Variants in NOMO1 observed in about 807,000 individuals in gnomAD.
The protein encoded by NOMO1 is NODAL modulator 1.
In NOMO1, 40 loss-of-function variants were observed where a neutral mutation model predicts 133.8. That is an observed-to-expected ratio of 0.30 (90% confidence interval 0.23 to 0.39). The LOEUF (loss-of-function observed/expected upper bound fraction) is 0.39. Ranked by LOEUF, NOMO1 falls within the 10% of genes least tolerant of loss-of-function variation. The pLI, the probability that NOMO1 is intolerant of heterozygous loss-of-function variation, is 1.00. For synonymous variants in NOMO1, 236 were observed against 570.5 expected (o/e 0.41, Z 8.36); for missense variants, 462 against 1,419.9 (o/e 0.33, Z 10.84).
intron 27 of NOMO1, among the ~76,000 whole-genome samples, chr16:14,886,506 CTT>C (rs1964326680): frequency 2.1e-5 from 3 of 140,722 alleles, no homozygotes; most frequent in Admixed American, 7.3e-5. Flanking sequence ...ATTATATTAA[CTT>C]ATATTACTAT....
At chr16:14,835,456 T>C (rs1412148309) in intron 1 of NOMO1, among the ~76,000 whole-genome samples, 1 of 150,660 alleles carries the variant, frequency 6.6e-6, no homozygotes, top group Non-Finnish European at 1.5e-5. Flanking sequence ...AAGAGGCCGC[T>C]AAGGCCTCTT....
At chr16:14,884,316 A>G in intron 26 of NOMO1, 56 bp from the exon 27 acceptor site, 5 of 1,189,142 alleles carry the variant, frequency 4.2e-6, no homozygotes, top group East Asian at 2.3e-5. Flanking sequence ...GACAGCTGGC[A>G]TAGAAGTTCC....
intron 29 of NOMO1, among the ~76,000 whole-genome samples, chr16:14,889,507 G>C (rs1219657595): frequency 6.6e-6 from 1 of 152,042 alleles, no homozygotes; most frequent in East Asian, 1.9e-4. Flanking sequence ...ACTCCAGCTT[G>C]GGTAACAGAG....
intron 11 of NOMO1, chr16:14,862,305 G>A (rs1001366003): frequency 6.6e-6 from 1 of 152,264 alleles, no homozygotes; most frequent in Admixed American, 6.5e-5. Context: ...AAGGATGATG[G>A]TCGTTGTAGG....
At chr16:14,872,141 T>C in intron 17 of NOMO1, 93 bp from the exon 18 acceptor site, 4 of 1,234,692 alleles carry the variant, frequency 3.2e-6, no homozygotes, top group Non-Finnish European at 4.8e-6. Flanking sequence ...TTCTGTAGTA[T>C]ATTTAGGGTG....
chr16:14,842,486 TG>T (rs1301627556), intron 3 of NOMO1, among the ~76,000 whole-genome samples: 1 of 150,820 alleles, frequency 6.6e-6, no homozygotes, highest in African/African-American at 2.4e-5. Context: ...ATTGGTGGCC[TG>T]GAGGAGTGTT....
Position 14,833,727 on chromosome 16 carries a change from G to A in NOMO1, c.-125G>A. 1 of 1,151,418 alleles carries A rather than the reference G, an allele frequency of 8.7e-7. No individual in the cohort carries two copies. Among genetic ancestry groups the A allele is most frequent in the Non-Finnish European group, 1.1e-6 (1 of 900,124 alleles). 71.3% of individuals were successfully genotyped at this position (1,151,418 alleles called of 1,614,324 possible). A position where few individuals can be genotyped will look rare whatever the true frequency, so the allele number is the denominator to read the frequency against. ...CGAAGCGCGCGTGCGCGGCGGCTCT[G>A]GCGGCGGCGGTGGGGCGGGGCCTGG... On this transcript the variant is annotated 5_prime_UTR_variant, in exon 1 of 31. Coordinates refer to ENST00000287667, the MANE Select transcript of NOMO1 (RefSeq NM_014287.4).
chr16:14,867,971 C>T (rs1358083574), intron 15 of NOMO1, among the ~76,000 whole-genome samples: 1 of 113,596 alleles, frequency 8.8e-6, no homozygotes, highest in Non-Finnish European at 2.0e-5. Context: ...CGGGCCCCAG[C>T]CACAGTGGTC....
chr16:14,871,372 G>GTTGT (rs1261698677), intron 16 of NOMO1, among the ~76,000 whole-genome samples: 2 of 152,060 alleles, frequency 1.3e-5, no homozygotes, highest in East Asian at 3.9e-4. Context: ...ACTACTGTGA[G>GTTGT]TTGTTACCTT....
intron 1 of NOMO1, among the ~76,000 whole-genome samples, chr16:14,836,386 C>T (rs1408822263): frequency 1.3e-5 from 2 of 152,018 alleles, no homozygotes; most frequent in Non-Finnish European, 2.9e-5. Flanking sequence ...TTCAAATGTT[C>T]GTTTTATGAG....
chr16:14,876,862 G>C, intron 22 of NOMO1, 72 bp downstream of exon 22: 1 of 1,575,230 alleles, frequency 6.3e-7, no homozygotes, highest in Non-Finnish European at 8.6e-7. Context: ...TGCACAAAAA[G>C]GGTACAGTGT....
intron 14 of NOMO1, 145 bp from the exon 15 acceptor site, chr16:14,866,410 T>G: frequency 7.1e-7 from 1 of 1,410,734 alleles, no homozygotes; most frequent in South Asian, 1.4e-5. Flanking sequence ...GTTATAAATA[T>G]ATGTATGTGT....
intron 26 of NOMO1, among the ~76,000 whole-genome samples, 177 bp from the exon 27 acceptor site, chr16:14,884,195 G>A (rs1442431375): frequency 1.3e-5 from 2 of 152,014 alleles, no homozygotes; most frequent in Non-Finnish European, 2.9e-5. Flanking sequence ...ATGGGCCAGG[G>A]ATAGCCATCT....
At chr16:14,834,356 TCTC>T (rs1963470385) in intron 1 of NOMO1, among the ~76,000 whole-genome samples, 1 of 103,880 alleles carries the variant, frequency 9.6e-6, no homozygotes, top group Non-Finnish European at 2.0e-5. Context: ...AGACCTGAGA[TCTC>T]CTCGAATCAG....
intron 3 of NOMO1, among the ~76,000 whole-genome samples, chr16:14,842,086 T>G (rs1377263476): frequency 6.6e-6 from 1 of 151,990 alleles, no homozygotes; most frequent in East Asian, 1.9e-4. Flanking sequence ...TTTCCTCATA[T>G]AACTGCCTTC....
At chr16:14,859,235 C>G in intron 11 of NOMO1, among the ~76,000 whole-genome samples, 1 of 151,902 alleles carries the variant, frequency 6.6e-6, no homozygotes, top group South Asian at 2.1e-4. Flanking sequence ...GAGCTGGGCC[C>G]TGGTGAACAC....
rs62037556 is a variant in NOMO1 at position 14,840,572 on chromosome 16, G to A, written c.256-790G>A. Reference sequence around the variant, plus strand: ...ACTTCACTCCAGCCTGGGCAACAGAGCGAGGCTCCATCTCAAAAAAAAAAA... The same window carrying A: ...ACTTCACTCCAGCCTGGGCAACAGAACGAGGCTCCATCTCAAAAAAAAAAA... On this transcript the variant is annotated intron_variant, in intron 2 of 30. Transcript: ENST00000287667. 4.1e-5 allele frequency among the ~76,000 whole-genome samples: 6 copies of A among 146,512 alleles called. 1 individual carries two copies. Among genetic ancestry groups the A allele is most frequent in the Non-Finnish European group, 9.0e-5 (6 of 66,524 alleles).
At chr16:14,866,449 A>C in intron 14 of NOMO1, 106 bp from the exon 15 acceptor site, 11 of 1,604,250 alleles carry the variant, frequency 6.9e-6, no homozygotes, top group Non-Finnish European at 6.8e-6. Flanking sequence ...CTACATACAC[A>C]CCTGCTTTTT....
intron 5 of NOMO1, among the ~76,000 whole-genome samples, chr16:14,847,772 TATA>T (rs1272274712): frequency 6.6e-6 from 1 of 152,064 alleles, no homozygotes; most frequent in Non-Finnish European, 1.5e-5. Context: ...AATAGAAGTT[TATA>T]ATGAGTCTGT....
Sources: allele counts gnomAD v4.1 joint callset (sites outside exome capture counted in the v4.1 genomes callset), GRCh38; gene constraint gnomAD v4.1.1; transcripts MANE v1.5; gene names NCBI Gene and HGNC (gene_info 2026-07-23, HGNC 2026-07-21).